The following UBTD2 variants were observed in gnomAD, a reference collection of about 807,000 sequenced individuals.
UBTD2 encodes the protein ubiquitin domain-containing protein 2.
A neutral mutation model predicts 19.8 loss-of-function variants in UBTD2; 9 were observed. The ratio of observed to expected loss-of-function variants is 0.46; its 90% CI spans 0.27 to 0.79. UBTD2 has a LOEUF of 0.79. Among genes scored for constraint, UBTD2 ranks in the 30% least tolerant of loss-of-function variants. UBTD2 has a pLI of 0.14. For synonymous variants in UBTD2, 98 were observed against 103.9 expected (o/e 0.94, Z 0.35); for missense variants, 250 against 300.4 (o/e 0.83, Z 1.24).
At chr5:172,279,341 G>T (rs1755667028) in intron 1 of UBTD2, among the ~76,000 whole-genome samples, 1 of 152,236 alleles carries the variant, frequency 6.6e-6, no homozygotes, top group Non-Finnish European at 1.5e-5. Context: ...TCATAAGGTT[G>T]TTAGGACCTG....
At chr5:172,241,722 A>G (rs1772132002) in intron 1 of UBTD2, among the ~76,000 whole-genome samples, 1 of 152,104 alleles carries the variant, frequency 6.6e-6, no homozygotes, top group African/African-American at 2.4e-5. Flanking sequence ...TTTAAAAAGA[A>G]GTATAAGGCT....
intron 1 of UBTD2, among the ~76,000 whole-genome samples, chr5:172,273,477 G>C (rs377262450): frequency 6.6e-6 from 1 of 151,308 alleles, no homozygotes; most frequent in Non-Finnish European, 1.5e-5. Context: ...TGTAATCCCG[G>C]CTATTTCAGA....
chr5:172,282,518 T>C (rs998828706), intron 1 of UBTD2, among the ~76,000 whole-genome samples: 13 of 152,346 alleles, frequency 8.5e-5, no homozygotes, highest in Admixed American at 5.9e-4. Context: ...GGCAAGCAAC[T>C]GGTCTAAATG....
At chr5:172,237,335 G>A (rs1772032782) in intron 1 of UBTD2, among the ~76,000 whole-genome samples, 1 of 151,976 alleles carries the variant, frequency 6.6e-6, no homozygotes, top group Non-Finnish European at 1.5e-5. Flanking sequence ...TTCATGATCC[G>A]CCCGCCTCAG....
intron 2 of UBTD2, among the ~76,000 whole-genome samples, chr5:172,223,617 A>AAAAAAAAAAAAAAAAAAAG (rs1561850764): frequency 1.5e-5 from 2 of 129,282 alleles, no homozygotes; most frequent in African/African-American, 6.1e-5. Context: ...AAAAAAAAAA[A>AAAAAAAAAAAAAAAAAAAG]GCACACTTAG....
chr5:172,276,180 A>G (rs1755600054), intron 1 of UBTD2, among the ~76,000 whole-genome samples: 1 of 152,216 alleles, frequency 6.6e-6, no homozygotes, highest in Non-Finnish European at 1.5e-5. Flanking sequence ...GCAAAATACT[A>G]GACTGTAAAT....
intron 1 of UBTD2, among the ~76,000 whole-genome samples, chr5:172,243,349 C>T (rs927965324): frequency 1.3e-5 from 2 of 151,978 alleles, no homozygotes; most frequent in African/African-American, 4.8e-5. Flanking sequence ...AGATCTAATA[C>T]CCAATGTGAT....
chr5:172,256,204 GAAC>G (rs1237075632), intron 1 of UBTD2, among the ~76,000 whole-genome samples: 1 of 152,078 alleles, frequency 6.6e-6, no homozygotes, highest in Non-Finnish European at 1.5e-5. Flanking sequence ...TCCCAAACCA[GAAC>G]ATCAGTAAAG....
chr5:172,236,409 T>C (rs1772010162), intron 1 of UBTD2, among the ~76,000 whole-genome samples: 1 of 152,346 alleles, frequency 6.6e-6, no homozygotes, highest in South Asian at 2.1e-4. Flanking sequence ...TTACATTTAA[T>C]TCAAATGCGA....
intron 1 of UBTD2, among the ~76,000 whole-genome samples, chr5:172,259,796 G>A (rs901086524): frequency 6.6e-6 from 1 of 152,114 alleles, no homozygotes; most frequent in African/African-American, 2.4e-5. Flanking sequence ...GCTCACGCCT[G>A]TAATCTCAGC....
At chr5:172,221,607 TATATA>T (rs1295321144) in intron 2 of UBTD2, among the ~76,000 whole-genome samples, 1 of 152,158 alleles carries the variant, frequency 6.6e-6, no homozygotes, top group African/African-American at 2.4e-5. Flanking sequence ...GATAAAGCTA[TATATA>T]ATATGATTCC....
At chr5:172,230,785 A>ATTT (rs11332821) in intron 2 of UBTD2, among the ~76,000 whole-genome samples, 1 of 143,214 alleles carries the variant, frequency 7.0e-6, no homozygotes, top group Non-Finnish European at 1.5e-5. Flanking sequence ...TTTTTTCCTT[A>ATTT]TTTTTTTTTT....
intron 1 of UBTD2, among the ~76,000 whole-genome samples, chr5:172,269,758 A>AC (rs1340244898): frequency 1.3e-5 from 2 of 149,834 alleles, no homozygotes; most frequent in African/African-American, 4.9e-5. Context: ...AAAAAAAAAA[A>AC]GTTAAACACA....
intron 1 of UBTD2, among the ~76,000 whole-genome samples, chr5:172,249,426 A>T (rs1257414131): frequency 1.5e-5 from 2 of 134,998 alleles, no homozygotes; most frequent in South Asian, 5.0e-4. Flanking sequence ...AAAAAAAAAA[A>T]AGAACAGCAA....
rs13360882 is a variant in UBTD2, at chr5:172,281,056, G to T, written c.70+2540C>A. ...AATGGTGATGTTTGCACAACACTGT[G>T]AATGTAATTATTTTGTTTATTTTTT... On this transcript the variant is annotated intron_variant, in intron 1 of 2. Coordinates refer to ENST00000393792, the MANE Select transcript of UBTD2 (RefSeq NM_152277.3). Among the ~76,000 whole-genome samples, 1,454 of 152,280 alleles carry T rather than the reference G, an allele frequency of 9.5e-3. 32 individuals carry two copies. Among genetic ancestry groups the T allele is most frequent in the African/African-American group, 0.033 (1,364 of 41,540 alleles).
intron 1 of UBTD2, among the ~76,000 whole-genome samples, chr5:172,241,474 T>C (rs909805487): frequency 5.5e-5 from 8 of 146,736 alleles, no homozygotes; most frequent in African/African-American, 1.8e-4. Flanking sequence ...TTGGAAACAG[T>C]GTTAGATGCA....
chr5:172,256,986 TCTTC>T (rs764507229), intron 1 of UBTD2, among the ~76,000 whole-genome samples: 1 of 149,456 alleles, frequency 6.7e-6, no homozygotes, highest in Non-Finnish European at 1.5e-5. Context: ...TTCTTTTTTT[TCTTC>T]TTCTTCCAAC....
chr5:172,278,951 T>TATTTTCAGTAGAGATGGGGTTTCTCC (rs1231127107), intron 1 of UBTD2, among the ~76,000 whole-genome samples: 1 of 152,112 alleles, frequency 6.6e-6, no homozygotes, highest in Non-Finnish European at 1.5e-5. Context: ...CTAATTTTTG[T>TATTTTCAGTAGAGATGGGGTTTCTCC]ATTTTCAGTA....
At chr5:172,258,182 G>A (rs898238308) in intron 1 of UBTD2, among the ~76,000 whole-genome samples, 5 of 152,154 alleles carry the variant, frequency 3.3e-5, no homozygotes, top group Admixed American at 1.3e-4. Context: ...TGTAGATGGC[G>A]AAAAGAAGGG....
Sources: gnomAD v4.1 joint callset for allele counts (sites outside exome capture counted in the v4.1 genomes callset) on GRCh38, gnomAD v4.1.1 for gene constraint, MANE v1.5 for transcripts, NCBI Gene and HGNC (gene_info 2026-07-23, HGNC 2026-07-21) for gene names.